EPHA5: variants seen among roughly 807,000 people sequenced by gnomAD.
EPHA5 encodes the protein ephrin type-A receptor 5.
Under a neutral mutation model 105.0 loss-of-function variants are expected in EPHA5, and 60 were observed. The ratio of observed to expected loss-of-function variants is 0.57; its 90% CI spans 0.46 to 0.71. EPHA5 has a LOEUF of 0.71. Ranked by LOEUF, EPHA5 falls within the 30% of genes least tolerant of loss-of-function variation. The pLI, the probability that EPHA5 is intolerant of heterozygous loss-of-function variation, is 0.00. For missense variants in EPHA5, 1,218 were observed against 1,274.7 expected (o/e 0.96, Z 0.68); for synonymous variants, 513 against 449.1 (o/e 1.14, Z -1.80).
chr4:65,540,865 TAA>T (rs5858966), intron 3 of EPHA5, among the ~76,000 whole-genome samples: 34 of 142,612 alleles, frequency 2.4e-4, no homozygotes, highest in African/African-American at 2.3e-4. Context: ...GTCAATTTTA[TAA>T]AAAAAAAAAA....
intron 3 of EPHA5, among the ~76,000 whole-genome samples, chr4:65,501,568 A>G (rs1388742274): frequency 6.6e-6 from 1 of 151,804 alleles, no homozygotes; most frequent in African/African-American, 2.4e-5. Flanking sequence ...GATATATACA[A>G]GAATAACTAC....
chr4:65,411,898 G>C (rs920681243), intron 7 of EPHA5, among the ~76,000 whole-genome samples: 5 of 152,228 alleles, frequency 3.3e-5, no homozygotes, highest in South Asian at 4.1e-4. Context: ...GAAACCCTTT[G>C]ATGGCTAGAA....
At chr4:65,596,257 T>C (rs963847555) in intron 3 of EPHA5, among the ~76,000 whole-genome samples, 3 of 152,084 alleles carry the variant, frequency 2.0e-5, no homozygotes, top group Non-Finnish European at 4.4e-5. Flanking sequence ...CTGGGAGTGA[T>C]TTTCCCCCAG....
At chr4:65,620,260 A>G (rs1489936435) in intron 2 of EPHA5, among the ~76,000 whole-genome samples, 1 of 151,984 alleles carries the variant, frequency 6.6e-6, no homozygotes, top group African/African-American at 2.4e-5. Context: ...CTATTATTAT[A>G]TCTGGGAAAA....
At chr4:65,416,304 T>TA (rs1041754056) in intron 6 of EPHA5, among the ~76,000 whole-genome samples, 2 of 152,030 alleles carry the variant, frequency 1.3e-5, no homozygotes, top group African/African-American at 4.8e-5. Context: ...AAAATGTGGG[T>TA]AAACAACTCT....
chr4:65,625,797 G>C (rs1746087013), intron 2 of EPHA5, among the ~76,000 whole-genome samples: 1 of 152,166 alleles, frequency 6.6e-6, no homozygotes. Flanking sequence ...AGGTGCTTTT[G>C]CAGTAATTTT....
chr4:65,597,350 T>C (rs1472969369), intron 3 of EPHA5, among the ~76,000 whole-genome samples: 1 of 152,118 alleles, frequency 6.6e-6, no homozygotes, highest in African/African-American at 2.4e-5. Flanking sequence ...ACAAGAGAAC[T>C]CAGCAGGCAA....
rs146238985 is a variant in EPHA5, at chr4:65,495,117, C to T, written c.1066+271G>A. On this transcript the variant is annotated intron_variant, in intron 4 of 16. Transcript: ENST00000613740. ...CTAGCATGAACACTGAAATAAGCCA[C>T]AAAATAAAAGAAAATATTCTATATC... is the stretch of plus-strand genomic sequence containing the variant. Among the ~76,000 whole-genome samples, 45 of 152,022 alleles carry T rather than the reference C, an allele frequency of 3.0e-4. No individual in the cohort carries two copies. The East Asian group carries it at 8.5e-3, about 29-fold the overall frequency.
At chr4:65,494,187 G>C (rs1398116532) in intron 4 of EPHA5, among the ~76,000 whole-genome samples, 2 of 152,132 alleles carry the variant, frequency 1.3e-5, no homozygotes, top group African/African-American at 4.8e-5. Context: ...ATGGTCTTCA[G>C]AATGTAAAGC....
chr4:65,392,365 G>T (rs920543574), intron 8 of EPHA5, among the ~76,000 whole-genome samples: 1 of 151,854 alleles, frequency 6.6e-6, no homozygotes, highest in Non-Finnish European at 1.5e-5. Flanking sequence ...TCTAAAATCA[G>T]GGATTGTATA....
intron 6 of EPHA5, among the ~76,000 whole-genome samples, chr4:65,414,862 G>A (rs6818276): frequency 0.16 from 24,077 of 152,120 alleles, 1,978 homozygotes; most frequent in Middle Eastern, 0.25. Context: ...CCCATTCTGT[G>A]AGGTAAGACT....
intron 3 of EPHA5, among the ~76,000 whole-genome samples, chr4:65,519,528 G>A (rs1734461620): frequency 6.6e-6 from 1 of 151,846 alleles, no homozygotes; most frequent in South Asian, 2.1e-4. Flanking sequence ...TTCTGGCCAG[G>A]GCAATTAGGC....
At chr4:65,490,347 A>G (rs1390445740) in intron 5 of EPHA5, 30 bp downstream of exon 5, 2 of 1,592,594 alleles carry the variant, frequency 1.3e-6, no homozygotes, top group Non-Finnish European at 1.7e-6. Flanking sequence ...TAGGCCTCAC[A>G]TACACAATTG....
At chr4:65,623,389 A>G (rs1485909597) in intron 2 of EPHA5, among the ~76,000 whole-genome samples, 1 of 150,898 alleles carries the variant, frequency 6.6e-6, no homozygotes, top group Non-Finnish European at 1.5e-5. Context: ...CTTTCATTCA[A>G]CAATTATATT....
chr4:65,341,121 G>A (rs1721675722), intron 14 of EPHA5, among the ~76,000 whole-genome samples: 1 of 151,900 alleles, frequency 6.6e-6, no homozygotes, highest in African/African-American at 2.4e-5. Context: ...GTTGACATAG[G>A]TTTCTTGGAG....
chr4:65,349,121 T>C (rs771225093), intron 13 of EPHA5, among the ~76,000 whole-genome samples: 5 of 151,820 alleles, frequency 3.3e-5, no homozygotes, highest in Admixed American at 6.6e-5. Context: ...CAGCATAATA[T>C]TGGATATATT....
intron 8 of EPHA5, among the ~76,000 whole-genome samples, chr4:65,398,241 G>C (rs1428176081): frequency 3.3e-5 from 5 of 152,298 alleles, no homozygotes; most frequent in Middle Eastern, 3.4e-3. Context: ...GGATGACCCT[G>C]GGTGCTGTTG....
intron 1 of EPHA5, among the ~76,000 whole-genome samples, chr4:65,659,939 G>T (rs1408584024): frequency 6.6e-6 from 1 of 152,014 alleles, no homozygotes; most frequent in African/African-American, 2.4e-5. Context: ...TAAAGGTAGA[G>T]GTGTCGACTT....
At chr4:65,490,341 C>T (rs1731275250) in intron 5 of EPHA5, 36 bp downstream of exon 5, 6 of 1,570,908 alleles carry the variant, frequency 3.8e-6, no homozygotes, top group Non-Finnish European at 5.2e-6. Flanking sequence ...CAGAACTAGG[C>T]CTCACATACA....
Sources: allele counts gnomAD v4.1 joint callset (sites outside exome capture counted in the v4.1 genomes callset), GRCh38; gene constraint gnomAD v4.1.1; transcripts MANE v1.5; gene names NCBI Gene and HGNC (gene_info 2026-07-23, HGNC 2026-07-21).